Variants in HK2 observed in about 807,000 individuals in gnomAD.
HK2 encodes hexokinase-2.
Under a neutral mutation model 92.9 loss-of-function variants are expected in HK2, and 42 were observed. The observed-to-expected ratio is 0.45, with a 90% confidence interval of 0.35 to 0.58. The LOEUF (loss-of-function observed/expected upper bound fraction) is 0.58, where lower values mean the gene tolerates loss of function less well. HK2 is among the 20% of genes least tolerant of loss of function. The pLI is 0.00. For missense variants in HK2, 978 were observed against 1,245.1 expected (o/e 0.79, Z 3.23); for synonymous variants, 422 against 468.0 (o/e 0.90, Z 1.27).
At position 74,843,399 on chromosome 2, in the gene HK2, A is replaced by G. The variant is rs1298852720; in HGVS notation, c.63+8756A>G. Among the ~76,000 whole-genome samples, 5 of 152,200 alleles carry G rather than the reference A, an allele frequency of 3.3e-5. No individual in the cohort carries two copies. The East Asian group carries it at 7.7e-4, about 23-fold the overall frequency. On this transcript the variant is annotated intron_variant, in intron 1 of 17. Coordinates refer to ENST00000290573, the MANE Select transcript of HK2 (RefSeq NM_000189.5). ...CGTTGCCTTATCCACGTCAGGAGTCAGGAGTCTTGGCCCTGTTCCTGTGAA... is the reference window on the plus strand; with the variant it reads ...CGTTGCCTTATCCACGTCAGGAGTCGGGAGTCTTGGCCCTGTTCCTGTGAA...
At chr2:74,844,682 G>A (rs1688395642) in intron 1 of HK2, among the ~76,000 whole-genome samples, 1 of 152,186 alleles carries the variant, frequency 6.6e-6, no homozygotes, top group Non-Finnish European at 1.5e-5. Flanking sequence ...TCCCTGGCCT[G>A]GGGCTGTCGA....
chr2:74,840,586 T>G (rs889457871), intron 1 of HK2, among the ~76,000 whole-genome samples: 1 of 150,726 alleles, frequency 6.6e-6, no homozygotes, highest in Non-Finnish European at 1.5e-5. Flanking sequence ...GTGGGGGTTA[T>G]GCCGGGCGCG....
intron 1 of HK2, among the ~76,000 whole-genome samples, chr2:74,844,900 C>T (rs1573355515): frequency 6.6e-6 from 1 of 152,330 alleles, no homozygotes; most frequent in Middle Eastern, 3.4e-3. Context: ...TTTGGTGTTC[C>T]CATAGCCCCT....
At chr2:74,840,749 G>A (rs979142589) in intron 1 of HK2, among the ~76,000 whole-genome samples, 2 of 151,586 alleles carry the variant, frequency 1.3e-5, no homozygotes, top group African/African-American at 4.9e-5. Flanking sequence ...CGTGGTGGCA[G>A]GCACCTGTAG....
chr2:74,880,558 C>T lies in HK2; in HGVS notation c.1559C>T (p.Pro520Leu), dbSNP rs17847161. The T allele has an allele frequency of 2.0e-4, 322 of 1,613,666 alleles. No homozygotes were observed. The highest frequency in any genetic ancestry group is 1.4e-3 in the East Asian group (64 of 44,886). The change falls in exon 10 of 18, where the codon CCG (proline) becomes CTG (leucine). Residue 520 changes from proline to leucine, a missense_variant. Physicochemically the swap from Pro to Leu is moderately conservative, Grantham distance 98. Transcript: ENST00000290573. ...CTGCCCACCTACGTGTGTGCTACCC[C>T]GGACGGCACAGGTACACGGCAGGGT... ...KMLPTYVCAT[P>L]DGTEKGDFLA...
At position 74,834,548 on chromosome 2, in the gene HK2, T is replaced by A. The variant is rs1688101977; in HGVS notation, c.-33T>A. The A allele has an allele frequency of 8.1e-6, 13 of 1,612,486 alleles. No individual in the cohort carries two copies. Among genetic ancestry groups the A allele is most frequent in the Non-Finnish European group, 1.0e-5 (12 of 1,178,666 alleles). ...CTCCCCTCTCGCGTCTCCGCCTCGG[T>A]TTCCCAACTCTGCGCCGTCGGGCCG... is the stretch of plus-strand genomic sequence containing the variant. On this transcript the variant is annotated 5_prime_UTR_variant, in exon 1 of 18. Coordinates refer to ENST00000290573, the MANE Select transcript of HK2 (RefSeq NM_000189.5). The surrounding 1 kb of genome is among the most constrained non-coding windows in gnomAD (Gnocchi z 4.2).
chr2:74,860,084 C>T (rs922531110), intron 2 of HK2, among the ~76,000 whole-genome samples: 6 of 151,386 alleles, frequency 4.0e-5, no homozygotes, highest in African/African-American at 1.5e-4. Context: ...AAATACCGCA[C>T]GTTTTCACTT....
chr2:74,868,565 G>C (rs575232692), intron 3 of HK2, among the ~76,000 whole-genome samples: 5 of 152,192 alleles, frequency 3.3e-5, no homozygotes, highest in Admixed American at 6.5e-5. Flanking sequence ...AGTACTCTTC[G>C]TGTTTTTTTC....
chr2:74,861,949 G>A (rs534936505), intron 2 of HK2, among the ~76,000 whole-genome samples: 2 of 152,202 alleles, frequency 1.3e-5, no homozygotes, highest in Admixed American at 1.3e-4. Flanking sequence ...TCTTCACCTC[G>A]GAATTGTGAA....
intron 16 of HK2, among the ~76,000 whole-genome samples, chr2:74,888,412 C>T (rs1368298250): frequency 1.3e-5 from 2 of 152,208 alleles, no homozygotes; most frequent in Non-Finnish European, 2.9e-5. Context: ...CTTGAAAGCC[C>T]TTCCTAACTG....
At chr2:74,865,542 A>G (rs1688925158) in intron 2 of HK2, among the ~76,000 whole-genome samples, 1 of 152,042 alleles carries the variant, frequency 6.6e-6, no homozygotes, top group African/African-American at 2.4e-5. Context: ...AATTTGGCTG[A>G]GTTCCCACTA....
chr2:74,880,857 G>A (rs1256513976), intron 10 of HK2, among the ~76,000 whole-genome samples: 1 of 152,220 alleles, frequency 6.6e-6, no homozygotes, highest in African/African-American at 2.4e-5. Flanking sequence ...TTAATTTTAT[G>A]TATTCACCTA....
At chr2:74,855,479 C>T (rs1325004018) in intron 2 of HK2, among the ~76,000 whole-genome samples, 1 of 152,192 alleles carries the variant, frequency 6.6e-6, no homozygotes, top group African/African-American at 2.4e-5. Context: ...CTCGTACCCG[C>T]CCACCTCGGC....
chr2:74,889,623 A>G, intron 17 of HK2, 145 bp downstream of exon 17: 2 of 733,764 alleles, frequency 2.7e-6, no homozygotes, highest in South Asian at 1.7e-5. Flanking sequence ...TAGTTTAAAG[A>G]TTCATAATCA....
At position 74,873,873 on chromosome 2, in the gene HK2, G is replaced by A. The variant is rs1689160819; in HGVS notation, c.621G>A (p.Val207=). 2 of 1,613,952 alleles carry A rather than the reference G, an allele frequency of 1.2e-6. No individual in the cohort carries two copies. Among genetic ancestry groups the A allele is most frequent in the South Asian group, 2.2e-5 (2 of 91,070 alleles). The change falls in exon 6 of 18, where the codon GTG becomes GTA. Residue 207 remains valine, a synonymous_variant. Transcript: ENST00000290573. Reference sequence around the variant, plus strand: ...TTGATATCGACATTGTGGCTGTGGTGAATGACACAGTTGGGACCATGATGA... The same window carrying A: ...TTGATATCGACATTGTGGCTGTGGTAAATGACACAGTTGGGACCATGATGA... The part of the protein sequence containing the change: ...GDFDIDIVAV[V]NDTVGTMMTC...
intron 1 of HK2, among the ~76,000 whole-genome samples, chr2:74,840,289 A>G (rs993307540): frequency 1.3e-4 from 20 of 150,238 alleles, no homozygotes; most frequent in African/African-American, 4.7e-4. Flanking sequence ...ATCACTTTTC[A>G]AAGTTGAACT....
chr2:74,879,574 G>T (rs1237112270), intron 9 of HK2, among the ~76,000 whole-genome samples: 1 of 152,158 alleles, frequency 6.6e-6, no homozygotes, highest in Non-Finnish European at 1.5e-5. Context: ...TGGGGATCTT[G>T]CTAAGAGGCA....
chr2:74,852,424 AG>A (rs1440602254), intron 1 of HK2, among the ~76,000 whole-genome samples: 1 of 152,208 alleles, frequency 6.6e-6, no homozygotes, highest in Admixed American at 6.5e-5. Context: ...CTGAAAAGAA[AG>A]GGGCCTTGTC....
At chr2:74,856,171 G>T (rs1172871143) in intron 2 of HK2, among the ~76,000 whole-genome samples, 1 of 151,446 alleles carries the variant, frequency 6.6e-6, no homozygotes. Context: ...TAGGGGCAGG[G>T]CGTGGGTCAG....
Sources: allele counts gnomAD v4.1 joint callset (sites outside exome capture counted in the v4.1 genomes callset), GRCh38; gene constraint gnomAD v4.1.1; non-coding constraint Gnocchi (gnomAD v3.1); transcripts MANE v1.5; gene names NCBI Gene and HGNC (gene_info 2026-07-23, HGNC 2026-07-21).